The following NXPH1 variants were observed in gnomAD, a reference collection of about 807,000 sequenced individuals.
NXPH1 encodes the protein neurexophilin 1.
Under a neutral mutation model 23.7 loss-of-function variants are expected in NXPH1, and 5 were observed. The ratio of observed to expected loss-of-function variants is 0.21; its 90% confidence interval spans 0.11 to 0.44. The LOEUF is 0.44. Ranked by LOEUF, NXPH1 falls within the 20% of genes least tolerant of loss-of-function variation. The pLI is 0.99. For synonymous variants in NXPH1, 144 were observed against 122.2 expected (o/e 1.18, Z -1.18); for missense variants, 324 against 321.6 (o/e 1.01, Z -0.06).
At chr7:8,471,765 C>T (rs1046497143) in intron 2 of NXPH1, among the ~76,000 whole-genome samples, 3 of 152,210 alleles carry the variant, frequency 2.0e-5, no homozygotes, top group South Asian at 2.1e-4. Flanking sequence ...ATTACTCTTA[C>T]ATTTCTCATT....
chr7:8,547,561 G>A (rs1379018235), intron 2 of NXPH1, among the ~76,000 whole-genome samples: 1 of 151,364 alleles, frequency 6.6e-6, no homozygotes, highest in Admixed American at 6.6e-5. Flanking sequence ...GCATACCGAA[G>A]GGGATTAGTC....
At chr7:8,509,183 T>A (rs1266627464) in intron 2 of NXPH1, among the ~76,000 whole-genome samples, 1 of 152,098 alleles carries the variant, frequency 6.6e-6, no homozygotes, top group East Asian at 1.9e-4. Context: ...ACTGCAAAAC[T>A]TATATATCTT....
chr7:8,543,763 C>A (rs531457946), intron 2 of NXPH1, among the ~76,000 whole-genome samples: 52 of 151,740 alleles, frequency 3.4e-4, no homozygotes, highest in South Asian at 1.4e-3. Context: ...GCTTGTCCAC[C>A]TATTGACGTA....
intron 2 of NXPH1, among the ~76,000 whole-genome samples, chr7:8,712,072 C>A (rs759016318): frequency 1.3e-5 from 2 of 152,086 alleles, no homozygotes; most frequent in Non-Finnish European, 2.9e-5. Flanking sequence ...AAAAGAGAGT[C>A]GAGAAGTGGA....
Position 8,463,896 on chromosome 7 carries a change from A to C in NXPH1, c.54+28129A>C, listed in dbSNP as rs79400775. ...ATAAATGTTGACTATTGCTGGCATT[A>C]TTTCTCCTACTCCATATTTGCATCT... On this transcript the variant is annotated intron_variant, in intron 2 of 2. Coordinates refer to ENST00000405863, the MANE Select transcript of NXPH1 (RefSeq NM_152745.3). Among the ~76,000 whole-genome samples the C allele has an allele frequency of 6.5e-3, 989 of 152,246 alleles. 10 individuals carry two copies. The highest frequency in any genetic ancestry group is 0.022 in the African/African-American group (896 of 41,544).
intron 2 of NXPH1, among the ~76,000 whole-genome samples, chr7:8,565,424 T>TCTA (rs1818523993): frequency 6.6e-6 from 1 of 151,768 alleles, no homozygotes; most frequent in Non-Finnish European, 1.5e-5. Context: ...AGAATCTAGA[T>TCTA]TTGTTGCTTA....
chr7:8,485,371 A>T (rs547164841), intron 2 of NXPH1, among the ~76,000 whole-genome samples: 1 of 152,262 alleles, frequency 6.6e-6, no homozygotes, highest in East Asian at 1.9e-4. Flanking sequence ...GTATGTCTTT[A>T]TTAGCAGCAC....
intron 2 of NXPH1, among the ~76,000 whole-genome samples, chr7:8,453,716 T>C (rs186084245): frequency 6.6e-6 from 1 of 152,250 alleles, no homozygotes; most frequent in Non-Finnish European, 1.5e-5. Flanking sequence ...GATAACGGCT[T>C]CCAGCTCTAC....
At chr7:8,573,761 A>T (rs1363191884) in intron 2 of NXPH1, among the ~76,000 whole-genome samples, 1 of 152,178 alleles carries the variant, frequency 6.6e-6, no homozygotes, top group Non-Finnish European at 1.5e-5. Context: ...CTTTTGGATC[A>T]TGACCAAATA....
At chr7:8,437,712 G>A (rs961658905) in intron 2 of NXPH1, among the ~76,000 whole-genome samples, 1 of 152,178 alleles carries the variant, frequency 6.6e-6, no homozygotes. Context: ...AATGCGCTGC[G>A]TTCTCAACAA....
rs925037425 is a variant in NXPH1 at position 8,752,819 on chromosome 7, C to T, written c.*1050C>T. ...CTGTGAAGGCCATTAAAAAGACAAA[C>T]TTAATGTACAGAGCATTTATTCAGA... On this transcript the variant is annotated 3_prime_UTR_variant, in exon 3 of 3. Transcript: ENST00000405863. 1 of 152,422 alleles carries T rather than the reference C, an allele frequency of 6.6e-6. No individual in the cohort carries two copies. Among genetic ancestry groups the T allele is most frequent in the Non-Finnish European group, 1.5e-5 (1 of 68,002 alleles). 9.4% of individuals were successfully genotyped at this position (152,422 alleles called of 1,614,324 possible).
intron 2 of NXPH1, among the ~76,000 whole-genome samples, chr7:8,585,500 G>T (rs1818961269): frequency 6.6e-6 from 1 of 152,202 alleles, no homozygotes; most frequent in South Asian, 2.1e-4. Flanking sequence ...ACTGATGAAA[G>T]AGCCAGGGTT....
At chr7:8,615,025 G>C (rs894744621) in intron 2 of NXPH1, among the ~76,000 whole-genome samples, 1 of 151,938 alleles carries the variant, frequency 6.6e-6, no homozygotes, top group Non-Finnish European at 1.5e-5. Context: ...CTGTTAGTTG[G>C]CTCTGATTTC....
intron 2 of NXPH1, among the ~76,000 whole-genome samples, chr7:8,735,418 T>G (rs1210324467): frequency 6.6e-6 from 1 of 152,238 alleles, no homozygotes; most frequent in Non-Finnish European, 1.5e-5. Context: ...TCATTGGTTA[T>G]GTTTATGTAC....
At chr7:8,448,818 GAAAAAAAAA>G (rs34098217) in intron 2 of NXPH1, among the ~76,000 whole-genome samples, 3 of 106,086 alleles carry the variant, frequency 2.8e-5, no homozygotes, top group South Asian at 3.3e-4. Flanking sequence ...TCGTCTCGGG[GAAAAAAAAA>G]AAAAAAAAAA....
At chr7:8,675,489 G>C (rs957980841) in intron 2 of NXPH1, among the ~76,000 whole-genome samples, 1 of 151,922 alleles carries the variant, frequency 6.6e-6, no homozygotes, top group Admixed American at 6.6e-5. Flanking sequence ...TTGATGATGC[G>C]TTTATTCATT....
intron 2 of NXPH1, among the ~76,000 whole-genome samples, chr7:8,741,904 A>T (rs1319543367): frequency 6.6e-6 from 1 of 152,074 alleles, no homozygotes; most frequent in African/African-American, 2.4e-5. Flanking sequence ...TACACATGGC[A>T]TAAAATAGAA....
In NXPH1 at chr7:8,562,049, C is replaced by T. The variant is rs111270279; in HGVS notation, c.54+126282C>T. ...TATTGAATATCTATACTGTTCCAGG[C>T]ACCATTTTAAGTGCTTGGCATGCTA... On this transcript the variant is annotated intron_variant, in intron 2 of 2. Transcript: ENST00000405863. Among the ~76,000 whole-genome samples, 1,307 of 151,694 alleles carry T rather than the reference C, an allele frequency of 8.6e-3. 18 individuals carry two copies. Among genetic ancestry groups the T allele is most frequent in the African/African-American group, 0.03 (1,235 of 41,436 alleles).
At chr7:8,575,106 AG>A (rs1818727018) in intron 2 of NXPH1, among the ~76,000 whole-genome samples, 1 of 152,202 alleles carries the variant, frequency 6.6e-6, no homozygotes, top group African/African-American at 2.4e-5. Flanking sequence ...TGACTAAAAG[AG>A]TATTTCTGAC....
Sources: allele counts gnomAD v4.1 joint callset (sites outside exome capture counted in the v4.1 genomes callset), GRCh38; gene constraint gnomAD v4.1.1; transcripts MANE v1.5; gene names NCBI Gene and HGNC (gene_info 2026-07-23, HGNC 2026-07-21).